The following PHTF2 variants were observed in gnomAD, a reference collection of about 807,000 sequenced individuals.
PHTF2 encodes protein PHTF2.
A neutral mutation model predicts 101.2 loss-of-function variants in PHTF2; 60 were observed. The observed-to-expected ratio is 0.59, with a 90% CI of 0.48 to 0.73. The LOEUF (loss-of-function observed/expected upper bound fraction) is 0.73, where lower values mean the gene tolerates loss of function less well. Ranked by LOEUF, PHTF2 falls within the 30% of genes least tolerant of loss-of-function variation. The pLI, the probability that PHTF2 is intolerant of heterozygous loss-of-function variation, is 0.00. For missense variants in PHTF2, 747 were observed against 908.7 expected (o/e 0.82, Z 2.29); for synonymous variants, 311 against 307.3 (o/e 1.01, Z -0.13).
At chr7:77,878,297 GTCT>G (rs1175808258) in intron 3 of PHTF2, among the ~76,000 whole-genome samples, 1 of 152,136 alleles carries the variant, frequency 6.6e-6, no homozygotes, top group East Asian at 1.9e-4. Flanking sequence ...TGTTAAAGCT[GTCT>G]TCTTGCACTG....
chr7:77,850,038 GTGT>G, intron 2 of PHTF2, among the ~76,000 whole-genome samples: 1 of 151,726 alleles, frequency 6.6e-6, no homozygotes, highest in East Asian at 1.9e-4. Flanking sequence ...TTCCATTGCC[GTGT>G]TGAATAACAT....
At chr7:77,946,547 A>G (rs918111983) in intron 16 of PHTF2, among the ~76,000 whole-genome samples, 2 of 152,234 alleles carry the variant, frequency 1.3e-5, no homozygotes, top group African/African-American at 4.8e-5. Context: ...TAGATTTGTT[A>G]TATGAAGATT....
At chr7:77,871,019 T>G (rs1325514251) in intron 3 of PHTF2, among the ~76,000 whole-genome samples, 1 of 152,222 alleles carries the variant, frequency 6.6e-6, no homozygotes, top group East Asian at 1.9e-4. Context: ...GTTACAGTCC[T>G]TGTTTCTGCA....
At chr7:77,954,834 C>A in intron 19 of PHTF2, 24 bp from the exon 19 acceptor site, 1 of 1,403,930 alleles carries the variant, frequency 7.1e-7, no homozygotes, top group Non-Finnish European at 9.9e-7. Context: ...TGGCTTGTCA[C>A]CACTTCTATT....
In PHTF2 at chr7:77,865,898, A is replaced by G. The variant is rs1584528350; in HGVS notation, c.147+11064A>G. Among the ~76,000 whole-genome samples, 7 of 152,178 alleles carry G rather than the reference A, an allele frequency of 4.6e-5. 2 individuals carry two copies. The highest frequency in any genetic ancestry group is 1.5e-5 in the Non-Finnish European group (1 of 67,996). ...CTTTATACTGATTATTACATTAAGT[A>G]TTAGGCTGGGCTCGGTGGCTCATGC... On this transcript the variant is annotated intron_variant, in intron 3 of 19. Coordinates refer to ENST00000416283, the Ensembl canonical transcript of PHTF2.
chr7:77,841,564 A>AT (rs1460512123), intron 2 of PHTF2, among the ~76,000 whole-genome samples: 2 of 152,104 alleles, frequency 1.3e-5, no homozygotes, highest in Non-Finnish European at 2.9e-5. Flanking sequence ...TCTTGGGCTC[A>AT]TGTGGTCCTC....
chr7:77,915,977 G>GTC (rs1381434944), intron 9 of PHTF2, among the ~76,000 whole-genome samples: 3 of 118,974 alleles, frequency 2.5e-5, no homozygotes, highest in African/African-American at 8.8e-5. Flanking sequence ...AGATTTGTGT[G>GTC]TCTGTGTGTG....
chr7:77,886,727 A>C (rs1799881831), intron 3 of PHTF2, among the ~76,000 whole-genome samples: 1 of 152,078 alleles, frequency 6.6e-6, no homozygotes, highest in Non-Finnish European at 1.5e-5. Context: ...GTACATCTCC[A>C]TTGTGGTGAG....
intron 3 of PHTF2, among the ~76,000 whole-genome samples, chr7:77,878,572 A>G (rs898418818): frequency 6.6e-6 from 1 of 152,140 alleles, no homozygotes; most frequent in African/African-American, 2.4e-5. Flanking sequence ...GTGGTTTCAA[A>G]GGAGGCTGTA....
At chr7:77,887,436 A>T (rs1404877091) in intron 3 of PHTF2, among the ~76,000 whole-genome samples, 5 of 148,118 alleles carry the variant, frequency 3.4e-5, no homozygotes, top group Non-Finnish European at 6.0e-5. Flanking sequence ...GTTTTTTTTT[A>T]AATCAGTTTT....
chr7:77,818,944 G>A lies in PHTF2; in HGVS notation c.-36+19973G>A, dbSNP rs548480100. On this transcript the variant is annotated intron_variant, in intron 1 of 19. Transcript: ENST00000416283. Reference sequence around the variant, plus strand: ...ATCAGCATTTTATAGTTTTCCTATAGAGGTCTTTCACCTCCTTGTTTAAAT... The same window carrying A: ...ATCAGCATTTTATAGTTTTCCTATAAAGGTCTTTCACCTCCTTGTTTAAAT... 7.2e-5 allele frequency among the ~76,000 whole-genome samples: 11 copies of A among 152,208 alleles called. No individual in the cohort carries two copies. The South Asian group carries it at 1.0e-3, about 14-fold the overall frequency.
chr7:77,836,628 A>G (rs1309648003), intron 1 of PHTF2, among the ~76,000 whole-genome samples: 6 of 152,230 alleles, frequency 3.9e-5, no homozygotes, highest in Non-Finnish European at 5.9e-5. Context: ...CAGGTACAAC[A>G]TGGAATACTA....
exon 20 of PHTF2, chr7:77,955,690 C>T (rs1201651402): frequency 2.0e-5 from 3 of 152,546 alleles, no homozygotes; most frequent in East Asian, 1.9e-4. Flanking sequence ...GAGGTATATA[C>T]TCATCTCACA....
At chr7:77,827,383 C>G (rs1324887502) in intron 1 of PHTF2, among the ~76,000 whole-genome samples, 1 of 152,114 alleles carries the variant, frequency 6.6e-6, no homozygotes, top group Middle Eastern at 3.2e-3. Context: ...GAGACGGAGT[C>G]TCACTCTGTC....
intron 9 of PHTF2, among the ~76,000 whole-genome samples, chr7:77,918,009 G>C (rs1467144985): frequency 6.6e-6 from 1 of 152,160 alleles, no homozygotes; most frequent in African/African-American, 2.4e-5. Flanking sequence ...AGATTGGAGG[G>C]AAGCAGAGGT....
At chr7:77,847,147 T>C (rs1360106084) in intron 2 of PHTF2, among the ~76,000 whole-genome samples, 3 of 152,210 alleles carry the variant, frequency 2.0e-5, no homozygotes, top group Non-Finnish European at 4.4e-5. Context: ...TTGGGTTTTT[T>C]AGTTTCTTGT....
At chr7:77,881,587 T>C (rs1184116290) in intron 3 of PHTF2, among the ~76,000 whole-genome samples, 1 of 152,016 alleles carries the variant, frequency 6.6e-6, no homozygotes, top group Non-Finnish European at 1.5e-5. Context: ...CCCACGTTGG[T>C]CTTGAACTCC....
At chr7:77,936,423 T>C (rs1805134554) in intron 12 of PHTF2, among the ~76,000 whole-genome samples, 1 of 152,190 alleles carries the variant, frequency 6.6e-6, no homozygotes. Flanking sequence ...ACGCCTGTAA[T>C]CCCAGCACTT....
chr7:77,937,691 ATTTT>A lies in PHTF2; in HGVS notation c.1339-8_1339-5del. On this transcript the variant is annotated splice_polypyrimidine_tract_variant and intron_variant, in intron 12 of 19. Coordinates refer to ENST00000416283, the Ensembl canonical transcript of PHTF2. The stretch of plus-strand genomic sequence containing the variant: ...TTAAATGTGATCTATATATTTACTA[ATTTT>A]TTTTTTTTTTATAGAGTCATTTGCC... 9 of 895,334 alleles carry A rather than the reference ATTTT, an allele frequency of 1.0e-5. No individual in the cohort carries two copies. Among genetic ancestry groups the A allele is most frequent in the Admixed American group, 4.0e-5 (1 of 24,914 alleles). The allele number at this position is 895,334 out of a possible 1,614,324, so 55.5% of individuals were successfully genotyped here.
Sources: gnomAD v4.1 joint callset for allele counts (sites outside exome capture counted in the v4.1 genomes callset) on GRCh38, gnomAD v4.1.1 for gene constraint, MANE v1.5 for transcripts, NCBI Gene and HGNC (gene_info 2026-07-23, HGNC 2026-07-21) for gene names.